TRAPPC11: variants seen among roughly 807,000 people sequenced by gnomAD.
TRAPPC11 encodes the protein trafficking protein particle complex subunit 11.
In TRAPPC11, 104 loss-of-function variants were observed where a neutral mutation model predicts 151.2. The ratio of observed to expected loss-of-function variants is 0.69; its 90% confidence interval spans 0.59 to 0.81. The LOEUF (loss-of-function observed/expected upper bound fraction) is 0.81. Ranked by LOEUF, TRAPPC11 falls within the 30% of genes least tolerant of loss-of-function variation. The probability of loss-of-function intolerance (pLI) is 0.00; values close to 1 mark genes in which losing one functional copy is unlikely to be tolerated. For missense variants in TRAPPC11, 1,230 were observed against 1,349.6 expected, an observed-to-expected ratio of 0.91 and a Z score of 1.39; for synonymous variants, 456 against 472.3, an observed-to-expected ratio of 0.97 and a Z score of 0.45.
Position 183,684,810 on chromosome 4 carries a change from C to T in TRAPPC11, c.1536C>T (p.Tyr512=). 1 of 1,613,904 alleles carries T rather than the reference C, an allele frequency of 6.2e-7. No homozygotes were observed. Among genetic ancestry groups the T allele is most frequent in the Non-Finnish European group, 8.5e-7 (1 of 1,179,842 alleles). Residue 512 remains tyrosine (Y), a synonymous_variant, in exon 15 of 30, where the codon TAC becomes TAT. Coordinates refer to ENST00000334690, the MANE Select transcript of TRAPPC11 (RefSeq NM_021942.6). ...CSYLMAQLKD[Y]ITYSLELLGR... is the part of the protein sequence containing the mutation. ...ACCTCATGGCCCAATTAAAGGATTA[C>T]ATTACTTACTCCCTAGAACTCCTTG...
At chr4:183,710,903 C>T (rs961318091) in intron 29 of TRAPPC11, among the ~76,000 whole-genome samples, 1 of 151,316 alleles carries the variant, frequency 6.6e-6, no homozygotes, top group Admixed American at 6.6e-5. Flanking sequence ...GTGTGGTGGG[C>T]GCCTGCAATC....
chr4:183,709,175 A>G (rs1008612432), intron 29 of TRAPPC11, among the ~76,000 whole-genome samples: 2 of 152,168 alleles, frequency 1.3e-5, no homozygotes, highest in Admixed American at 6.6e-5. Flanking sequence ...TCCCTCTAAC[A>G]TACATATACA....
intron 5 of TRAPPC11, 21 bp from the exon 6 acceptor site, chr4:183,674,692 G>C (rs768662085): frequency 7.2e-7 from 1 of 1,390,078 alleles, no homozygotes; most frequent in South Asian, 1.4e-5. Context: ...GTAAATGCTT[G>C]TTTGTTTTTG....
intron 10 of TRAPPC11, among the ~76,000 whole-genome samples, chr4:183,681,778 G>GA (rs11372598): frequency 0.41 from 62,134 of 150,032 alleles, 13,347 homozygotes; most frequent in South Asian, 0.6. Context: ...GTCTCAAAAA[G>GA]AAAAAAAAAG....
chr4:183,702,611 A>T (rs1736857415), intron 26 of TRAPPC11, among the ~76,000 whole-genome samples: 1 of 152,190 alleles, frequency 6.6e-6, no homozygotes, highest in Non-Finnish European at 1.5e-5. Flanking sequence ...GACTACGTAC[A>T]TAATTTGGAA....
intron 5 of TRAPPC11, among the ~76,000 whole-genome samples, chr4:183,672,776 G>A (rs2111324052): frequency 6.6e-6 from 1 of 152,214 alleles, no homozygotes; most frequent in African/African-American, 2.4e-5. Context: ...CATTCAGCTT[G>A]AAAACTAAAA....
intron 23 of TRAPPC11, 147 bp downstream of exon 23, chr4:183,694,870 C>A: frequency 3.9e-6 from 3 of 774,632 alleles, no homozygotes; most frequent in Non-Finnish European, 5.8e-6. Context: ...TTTAAAAAAT[C>A]ACTTATATTG....
In TRAPPC11 at chr4:183,701,679, A is replaced by T; in HGVS notation, c.2852-18A>T. 1 of 1,556,484 alleles carries T rather than the reference A, an allele frequency of 6.4e-7. No homozygotes were observed. The highest frequency in any genetic ancestry group is 8.9e-7 in the Non-Finnish European group (1 of 1,127,668). ...GATGAAACCATTGCATAAGGAATAT[A>T]AAGACTTTTCCCTGTAGTTATCTTA... On this transcript the variant is annotated intron_variant, in intron 25 of 29. Transcript: ENST00000334690.
chr4:183,662,803 A>G (rs944230721), intron 1 of TRAPPC11, among the ~76,000 whole-genome samples: 9 of 152,060 alleles, frequency 5.9e-5, no homozygotes, highest in African/African-American at 1.9e-4. Context: ...GATCATGTAG[A>G]TCTATTTTAA....
rs1407307920 is a variant in TRAPPC11 at position 183,671,485 on chromosome 4, C to G, written c.561-3228C>G. 2.6e-5 allele frequency among the ~76,000 whole-genome samples: 4 copies of G among 152,292 alleles called. No homozygotes were observed. In the East Asian group the frequency reaches 5.8e-4, roughly 22 times the overall value. ...GCCCCAACTGCTGCTCCTGCTTCTG[C>G]TCTTGTGCCTTTTATTTGCAGCCTT... On this transcript the variant is annotated intron_variant, in intron 5 of 29. Coordinates refer to ENST00000334690, the MANE Select transcript of TRAPPC11 (RefSeq NM_021942.6).
In TRAPPC11 at chr4:183,674,601, T is replaced by G; in HGVS notation, c.561-112T>G. 5.3e-6 allele frequency: 3 copies of G among 568,700 alleles called. No individual in the cohort carries two copies. The Admixed American group carries it at 1.1e-4, about 21-fold the overall frequency. 35.2% of individuals were successfully genotyped at this position (568,700 alleles called of 1,614,324 possible). A position where few individuals can be genotyped will look rare whatever the true frequency, so the allele number is the denominator to read the frequency against. ...GCTTCACTTTGTCTTATTCATAATG[T>G]AAAACAGATATTTCTGTCACCATTT... On this transcript the variant is annotated intron_variant, in intron 5 of 29. Coordinates refer to ENST00000334690, the MANE Select transcript of TRAPPC11 (RefSeq NM_021942.6).
intron 2 of TRAPPC11, among the ~76,000 whole-genome samples, chr4:183,664,887 G>A (rs1734763132): frequency 6.6e-6 from 1 of 151,672 alleles, no homozygotes; most frequent in African/African-American, 2.4e-5. Flanking sequence ...CATAACCTGG[G>A]GTATTTATTA....
At chr4:183,689,546 T>C (rs1437250548) in intron 18 of TRAPPC11, among the ~76,000 whole-genome samples, 3 of 152,052 alleles carry the variant, frequency 2.0e-5, no homozygotes, top group African/African-American at 7.2e-5. Context: ...TACTGGAATC[T>C]AAGCTCCACA....
At chr4:183,665,675 C>G (rs1237758626) in intron 2 of TRAPPC11, among the ~76,000 whole-genome samples, 1 of 152,228 alleles carries the variant, frequency 6.6e-6, no homozygotes, top group Non-Finnish European at 1.5e-5. Flanking sequence ...GGCTAACACT[C>G]AAATCTACAG....
chr4:183,682,872 A>G lies in TRAPPC11; in HGVS notation c.1207+47A>G, dbSNP rs775828413. On this transcript the variant is annotated intron_variant, in intron 11 of 29. Transcript: ENST00000334690. The stretch of plus-strand genomic sequence containing the variant: ...CCTTTCCTCTCAACCTCAAAAGGCA[A>G]CAATAGCTATAATAGATTTTCCATT... 9 of 1,250,136 alleles carry G rather than the reference A, an allele frequency of 7.2e-6. No homozygotes were observed. In the East Asian group the frequency reaches 9.3e-5, roughly 13 times the overall value. The allele number at this position is 1,250,136 out of a possible 1,614,324, so 77.4% of individuals were successfully genotyped here.
At position 183,661,511 on chromosome 4, in the gene TRAPPC11, A is replaced by G. The variant is rs536922277; in HGVS notation, c.-22+2064A>G. On this transcript the variant is annotated intron_variant, in intron 1 of 29. Transcript: ENST00000334690. ...CTCAGCCTCCCGAGTAGCTGGGACTACAGGCGCCCACCACCATACTCGGCT... is the reference window on the plus strand; with the variant it reads ...CTCAGCCTCCCGAGTAGCTGGGACTGCAGGCGCCCACCACCATACTCGGCT... Among the ~76,000 whole-genome samples, 40 of 151,276 alleles carry G rather than the reference A, an allele frequency of 2.6e-4. No individual in the cohort carries two copies. The South Asian group carries it at 7.5e-3, about 28-fold the overall frequency.
At chr4:183,687,547 T>C (rs1736046365) in intron 18 of TRAPPC11, among the ~76,000 whole-genome samples, 1 of 152,092 alleles carries the variant, frequency 6.6e-6, no homozygotes, top group Non-Finnish European at 1.5e-5. Context: ...CAAGCTGGTC[T>C]TGAACTCCTG....
intron 5 of TRAPPC11, among the ~76,000 whole-genome samples, chr4:183,671,304 T>C (rs1363857388): frequency 1.3e-5 from 2 of 152,226 alleles, no homozygotes; most frequent in African/African-American, 2.4e-5. Flanking sequence ...CTGATCTTCG[T>C]CTTTCCATAA....
chr4:183,693,299 C>G, intron 20 of TRAPPC11, 152 bp downstream of exon 20: 1 of 788,100 alleles, frequency 1.3e-6, no homozygotes, highest in Non-Finnish European at 1.9e-6. Context: ...TCAAACCATC[C>G]TCCCACCTCA....
Sources: allele counts gnomAD v4.1 joint callset (sites outside exome capture counted in the v4.1 genomes callset), GRCh38; gene constraint gnomAD v4.1.1; transcripts MANE v1.5; gene names NCBI Gene and HGNC (gene_info 2026-07-23, HGNC 2026-07-21).